Variants in RBFOX1 observed in about 807,000 individuals in gnomAD.
RBFOX1 encodes the protein RNA binding protein fox-1 homolog 1.
A neutral mutation model predicts 57.7 loss-of-function variants in RBFOX1; 8 were observed. The ratio of observed to expected loss-of-function variants is 0.14; its 90% confidence interval spans 0.08 to 0.25. The LOEUF (loss-of-function observed/expected upper bound fraction) is 0.25. Among genes scored for constraint, RBFOX1 ranks in the 10% least tolerant of loss-of-function variants. The pLI is 1.00. For synonymous variants in RBFOX1, 326 were observed against 222.4 expected, an observed-to-expected ratio of 1.47 and a Z score of -4.15; for missense variants, 611 against 548.5, an observed-to-expected ratio of 1.11 and a Z score of -1.14.
intron 1 of RBFOX1, among the ~76,000 whole-genome samples, chr16:6,300,106 G>A (rs1050772270): frequency 6.6e-6 from 1 of 152,122 alleles, no homozygotes; most frequent in Non-Finnish European, 1.5e-5. Context: ...AACAAATACT[G>A]CATTATCTCA....
chr16:6,374,934 G>A (rs1320100842), intron 2 of RBFOX1, among the ~76,000 whole-genome samples: 4 of 152,170 alleles, frequency 2.6e-5, no homozygotes, highest in African/African-American at 9.7e-5. Flanking sequence ...GTTAGCAACT[G>A]GCAGTTTTAA....
chr16:5,773,318 A>AC (rs2054039978), intron 3 of RBFOX1, among the ~76,000 whole-genome samples: 3 of 152,346 alleles, frequency 2.0e-5, no homozygotes, highest in Non-Finnish European at 2.9e-5. Context: ...GGTAAGTATC[A>AC]TTAACATGTT....
chr16:7,601,562 T>C (rs1421893117), intron 9 of RBFOX1, among the ~76,000 whole-genome samples: 1 of 152,174 alleles, frequency 6.6e-6, no homozygotes, highest in Non-Finnish European at 1.5e-5. Context: ...ACTCAGTCTT[T>C]TGGGACTAGC....
intron 3 of RBFOX1, among the ~76,000 whole-genome samples, chr16:6,864,249 C>G (rs1214326415): frequency 2.6e-5 from 4 of 152,134 alleles, no homozygotes; most frequent in African/African-American, 9.7e-5. Flanking sequence ...CAAAGCATAA[C>G]TCTTCCACAT....
chr16:6,681,910 G>T (rs1374159452), intron 3 of RBFOX1, among the ~76,000 whole-genome samples: 1 of 152,142 alleles, frequency 6.6e-6, no homozygotes, highest in Non-Finnish European at 1.5e-5. Flanking sequence ...GAATATGCTT[G>T]TGAAAAGTCA....
At chr16:6,469,127 A>T (rs902269017) in intron 2 of RBFOX1, among the ~76,000 whole-genome samples, 1 of 152,150 alleles carries the variant, frequency 6.6e-6, no homozygotes, top group Non-Finnish European at 1.5e-5. Context: ...TACAACCTGA[A>T]CCATTGGAGT....
intron 1 of RBFOX1, among the ~76,000 whole-genome samples, chr16:5,418,080 T>TCAACAACAACAACAACAA (rs58380992): frequency 1.3e-5 from 2 of 150,876 alleles, no homozygotes; most frequent in Non-Finnish European, 3.0e-5. Context: ...AAACTCCATC[T>TCAACAACAACAACAACAA]CAACAACAAC....
intron 2 of RBFOX1, among the ~76,000 whole-genome samples, chr16:6,363,038 T>C (rs1484749247): frequency 6.6e-6 from 1 of 152,198 alleles, no homozygotes; most frequent in African/African-American, 2.4e-5. Context: ...GTGCACAGTT[T>C]TTCTCTCAAT....
chr16:7,563,445 G>T (rs2090909211), intron 5 of RBFOX1, among the ~76,000 whole-genome samples: 1 of 152,160 alleles, frequency 6.6e-6, no homozygotes, highest in Admixed American at 6.5e-5. Context: ...TGTTGTTATT[G>T]CTATTGTTAT....
At chr16:5,680,043 G>A (rs1457157320) in intron 3 of RBFOX1, among the ~76,000 whole-genome samples, 1 of 152,190 alleles carries the variant, frequency 6.6e-6, no homozygotes, top group Non-Finnish European at 1.5e-5. Flanking sequence ...AATGGAAATG[G>A]CTGTTAGAGT....
chr16:7,256,874 G>A (rs1454756687), intron 4 of RBFOX1, among the ~76,000 whole-genome samples: 1 of 152,066 alleles, frequency 6.6e-6, no homozygotes, highest in Non-Finnish European at 1.5e-5. Context: ...CCCCACTAGG[G>A]CATCTGAAAG....
At chr16:6,652,977 C>A (rs971011383) in intron 2 of RBFOX1, among the ~76,000 whole-genome samples, 1 of 152,278 alleles carries the variant, frequency 6.6e-6, no homozygotes, top group Non-Finnish European at 1.5e-5. Context: ...AAGTAAACAT[C>A]TCCCTGTGAT....
chr16:6,606,900 G>A (rs746694798), intron 2 of RBFOX1, among the ~76,000 whole-genome samples: 16 of 152,130 alleles, frequency 1.1e-4, no homozygotes, highest in Non-Finnish European at 2.4e-4. Flanking sequence ...GTCAAATGGT[G>A]TTTCTTGTTC....
At chr16:6,176,319 T>TA (rs986328943) in intron 1 of RBFOX1, among the ~76,000 whole-genome samples, 14 of 145,276 alleles carry the variant, frequency 9.6e-5, no homozygotes, top group African/African-American at 3.4e-4. Flanking sequence ...CCAAATTTTT[T>TA]TTTTTTTTTT....
chr16:6,928,240 G>C (rs2075958848), intron 3 of RBFOX1, among the ~76,000 whole-genome samples: 1 of 152,164 alleles, frequency 6.6e-6, no homozygotes, highest in Non-Finnish European at 1.5e-5. Context: ...GATTTAATTG[G>C]TCTGAGGATC....
intron 3 of RBFOX1, among the ~76,000 whole-genome samples, chr16:6,949,528 C>T (rs2080255965): frequency 6.6e-6 from 1 of 152,224 alleles, no homozygotes; most frequent in African/African-American, 2.4e-5. Flanking sequence ...CTTCTTGGGC[C>T]TCTCTCCCTG....
chr16:6,299,271 C>T (rs563041243), intron 1 of RBFOX1, among the ~76,000 whole-genome samples: 140 of 152,306 alleles, frequency 9.2e-4, no homozygotes, highest in African/African-American at 3.1e-3. Flanking sequence ...GTCTCTTCCT[C>T]AGAGGATGAT....
At chr16:5,584,359 G>C (rs1225592334) in intron 2 of RBFOX1, among the ~76,000 whole-genome samples, 4 of 152,164 alleles carry the variant, frequency 2.6e-5, no homozygotes, top group African/African-American at 7.2e-5. Flanking sequence ...ATATGTCGGA[G>C]TTTCATCTTG....
intron 4 of RBFOX1, among the ~76,000 whole-genome samples, chr16:7,452,289 C>G (rs1347690474): frequency 6.6e-6 from 1 of 152,166 alleles, no homozygotes; most frequent in African/African-American, 2.4e-5. Flanking sequence ...TTGACAATTT[C>G]CATGAAAAAT....
Sources: allele counts gnomAD v4.1 joint callset (sites outside exome capture counted in the v4.1 genomes callset), GRCh38; gene constraint gnomAD v4.1.1; transcripts MANE v1.5; gene names NCBI Gene and HGNC (gene_info 2026-07-23, HGNC 2026-07-21).